EPRS1: variants seen among roughly 807,000 people sequenced by gnomAD.
EPRS1 encodes the protein bifunctional glutamate/proline--tRNA ligase.
A neutral mutation model predicts 188.3 loss-of-function variants in EPRS1; 107 were observed. That is an observed-to-expected ratio of 0.57 (90% CI 0.49 to 0.67). EPRS1 has a LOEUF of 0.67. Ranked by LOEUF, EPRS1 falls within the 30% of genes least tolerant of loss-of-function variation. The pLI is 0.00. For missense variants in EPRS1, 1,577 were observed against 1,802.2 expected (o/e 0.88, Z 2.26); for synonymous variants, 596 against 593.1 (o/e 1.00, Z -0.07).
chr1:220,033,863 T>C (rs1360704300), intron 3 of EPRS1, among the ~76,000 whole-genome samples: 1 of 141,506 alleles, frequency 7.1e-6, no homozygotes, highest in Non-Finnish European at 1.5e-5. Context: ...CCACATTTAT[T>C]TTGCTATGCT....
At chr1:219,970,951 A>G (rs1363179563) in intron 30 of EPRS1, among the ~76,000 whole-genome samples, 3 of 152,198 alleles carry the variant, frequency 2.0e-5, no homozygotes, top group Non-Finnish European at 4.4e-5. Flanking sequence ...AGAATAGTAA[A>G]ATGAAAGCCA....
Position 219,978,690 on chromosome 1 carries a change from A to G in EPRS1, c.3939T>C (p.Asn1313=), listed in dbSNP as rs781163330. The G allele has an allele frequency of 4.3e-6, 7 of 1,612,044 alleles. No individual in the cohort carries two copies. The South Asian group carries it at 6.6e-5, about 15-fold the overall frequency. ...CTTCTTTGTCTTCTTCAGAAAGTGC[A>G]TTGGTAATGCCACAAGGAATAATCA... The part of the protein sequence containing the change: ...QVVIIPCGIT[N]ALSEEDKEAL... The change falls in exon 28 of 32, where the codon AAT becomes AAC. Residue 1313 remains asparagine (N), a synonymous_variant. Coordinates refer to ENST00000366923, the MANE Select transcript of EPRS1 (RefSeq NM_004446.3).
rs368763155 is a variant in EPRS1 at position 220,005,268 on chromosome 1, A to G, written c.2043T>C (p.Asp681=). The stretch of plus-strand genomic sequence containing the variant: ...CTTACCTAACAGGTTCATAAGGTTG[A>G]TCACATATGAAGAATCCTCTTCTCT... ...QLQRRGFFIC[D]QPYEPVSPYS... is the part of the protein sequence containing the mutation. The change falls in exon 16 of 32, where the codon GAT becomes GAC. Residue 681 remains aspartate, a synonymous_variant. Transcript: ENST00000366923. 313 of 1,544,058 alleles carry G rather than the reference A, an allele frequency of 2.0e-4. 8 individuals are homozygous for G. In the South Asian group the frequency reaches 3.7e-3, roughly 18 times the overall value.
intron 1 of EPRS1, among the ~76,000 whole-genome samples, chr1:220,046,021 G>T (rs772818304): frequency 6.6e-6 from 1 of 152,134 alleles, no homozygotes; most frequent in African/African-American, 2.4e-5. Context: ...CGCTCTCCGG[G>T]GGAAAAAGGG....
At chr1:219,985,516 C>A (rs185340911) in intron 20 of EPRS1, among the ~76,000 whole-genome samples, 26 of 152,230 alleles carry the variant, frequency 1.7e-4, no homozygotes, top group Non-Finnish European at 3.2e-4. Context: ...CCTCAGCCCC[C>A]CTCCCCCACC....
rs995773442 is a variant in EPRS1 at position 219,987,422 on chromosome 1, A to G, written c.2776-18T>C. ...ACTTGATCCTTTAGTTTAACAAAAG[A>G]GGAAAAAGAGAAGACAGTATTTAAC... On this transcript the variant is annotated intron_variant, in intron 19 of 31. Coordinates refer to ENST00000366923, the MANE Select transcript of EPRS1 (RefSeq NM_004446.3). 1 of 1,571,360 alleles carries G rather than the reference A, an allele frequency of 6.4e-7. No individual in the cohort carries two copies. The highest frequency in any genetic ancestry group is 1.4e-5 in the African/African-American group (1 of 72,724).
intron 9 of EPRS1, among the ~76,000 whole-genome samples, chr1:220,021,391 T>C (rs536169936): frequency 1.3e-5 from 2 of 151,800 alleles, no homozygotes; most frequent in South Asian, 2.1e-4. Flanking sequence ...TAGAGACAGG[T>C]TCTTGCTATG....
chr1:220,011,776 A>G (rs1661609181), intron 12 of EPRS1, among the ~76,000 whole-genome samples: 1 of 152,162 alleles, frequency 6.6e-6, no homozygotes, highest in Non-Finnish European at 1.5e-5. Flanking sequence ...CCCCTTCTGG[A>G]GCTGATGTAT....
intron 30 of EPRS1, among the ~76,000 whole-genome samples, chr1:219,970,882 A>T: frequency 1.3e-5 from 2 of 152,088 alleles, no homozygotes; most frequent in East Asian, 3.8e-4. Flanking sequence ...AAGGCTAAAC[A>T]CTGAAGAATT....
chr1:219,982,883 T>C (rs2102565004), intron 22 of EPRS1, 39 bp from the exon 23 acceptor site: 3 of 1,576,730 alleles, frequency 1.9e-6, no homozygotes, highest in Non-Finnish European at 8.7e-7. Flanking sequence ...TTTTTTTCAA[T>C]AGCATTTTGG....
rs758329359 is a variant in EPRS1 at position 220,030,436 on chromosome 1, T to C, written c.573A>G (p.Pro191=). The C allele has an allele frequency of 6.2e-7, 1 of 1,614,032 alleles. No individual in the cohort carries two copies. The highest frequency in any genetic ancestry group is 2.2e-5 in the East Asian group (1 of 44,876). Residue 191 remains proline (P), a synonymous_variant, in exon 6 of 32, where the codon CCA becomes CCG. Coordinates refer to ENST00000366923, the MANE Select transcript of EPRS1 (RefSeq NM_004446.3). ...CGGTAACCTTTCCCATCTCCGCACC[T>C]GGAAGCTCAACAAATTTCCCAACAT... ...KQDVGKFVEL[P]GAEMGKVTVR...
intron 4 of EPRS1, among the ~76,000 whole-genome samples, chr1:220,033,091 C>T (rs1261625089): frequency 6.6e-6 from 1 of 152,114 alleles, no homozygotes; most frequent in Non-Finnish European, 1.5e-5. Context: ...CACAACTCCA[C>T]ATCATCCCAC....
intron 1 of EPRS1, among the ~76,000 whole-genome samples, chr1:220,043,746 T>C (rs1662341555): frequency 6.6e-6 from 1 of 152,206 alleles, no homozygotes; most frequent in Non-Finnish European, 1.5e-5. Context: ...AAACAGAGGA[T>C]ATTCTTCAAG....
chr1:219,999,281 A>G lies in EPRS1; in HGVS notation c.2181+1857T>C, dbSNP rs141993935. Among the ~76,000 whole-genome samples, 353 of 152,296 alleles carry G rather than the reference A, an allele frequency of 2.3e-3. 2 individuals carry two copies. The highest frequency in any genetic ancestry group is 7.5e-3 in the African/African-American group (313 of 41,570). On this transcript the variant is annotated intron_variant, in intron 17 of 31. Coordinates refer to ENST00000366923, the MANE Select transcript of EPRS1 (RefSeq NM_004446.3). Reference sequence around the variant, plus strand: ...AGGATCTCTGACTGCAAAGTTGGGTATAAGTGGCAGTCAACTGTACCTGAA... The same window carrying G: ...AGGATCTCTGACTGCAAAGTTGGGTGTAAGTGGCAGTCAACTGTACCTGAA...
chr1:219,996,843 G>T, intron 18 of EPRS1, 140 bp downstream of exon 18: 1 of 928,820 alleles, frequency 1.1e-6, no homozygotes, highest in Non-Finnish European at 1.6e-6. Flanking sequence ...TTCAGAGCTT[G>T]GCACATAGCA....
intron 6 of EPRS1, 126 bp from the exon 7 acceptor site, chr1:220,025,384 T>C: frequency 1.7e-6 from 1 of 602,280 alleles, no homozygotes; most frequent in Non-Finnish European, 2.6e-6. Flanking sequence ...TCATATTTTA[T>C]TTTCTAACAA....
chr1:219,987,360 T>C lies in EPRS1; in HGVS notation c.2820A>G (p.Ala940=). The change falls in exon 20 of 32, where the codon GCA becomes GCG. Residue 940 remains alanine (A), a synonymous_variant. Transcript: ENST00000366923. The part of the protein sequence containing the change: ...IAVQELLQLK[A]QYKSLIGVEY... ...CTACTCCTATCAAAGACTTGTACTG[T>C]GCCTTTAGCTGAAGGAGTTCTTGAA... 6.2e-7 allele frequency: 1 copy of C among 1,612,070 alleles called. No homozygotes were observed. Among genetic ancestry groups the C allele is most frequent in the South Asian group, 1.1e-5 (1 of 90,502 alleles).
At chr1:220,002,196 G>C (rs1351310602) in intron 16 of EPRS1, among the ~76,000 whole-genome samples, 2 of 151,972 alleles carry the variant, frequency 1.3e-5, no homozygotes, top group East Asian at 3.9e-4. Flanking sequence ...GCCAGGTATG[G>C]TGGCGGGCGC....
At chr1:220,002,113 T>C (rs1394838212) in intron 16 of EPRS1, among the ~76,000 whole-genome samples, 2 of 152,062 alleles carry the variant, frequency 1.3e-5, no homozygotes, top group Non-Finnish European at 2.9e-5. Context: ...GTGGATTACC[T>C]GAGGTCAAGA....
Sources: allele counts gnomAD v4.1 joint callset (sites outside exome capture counted in the v4.1 genomes callset), GRCh38; gene constraint gnomAD v4.1.1; transcripts MANE v1.5; gene names NCBI Gene and HGNC (gene_info 2026-07-23, HGNC 2026-07-21).